The following PLEKHG1 variants were observed in gnomAD, a reference collection of about 807,000 sequenced individuals.
PLEKHG1 encodes the protein pleckstrin homology domain-containing family G member 1.
A neutral mutation model predicts 100.8 loss-of-function variants in PLEKHG1; 44 were observed. The observed-to-expected ratio is 0.44, with a 90% confidence interval of 0.34 to 0.56. PLEKHG1 has a LOEUF of 0.56. Among genes scored for constraint, PLEKHG1 ranks in the 20% least tolerant of loss-of-function variants. PLEKHG1 has a pLI of 0.01. For missense variants in PLEKHG1, 1,545 were observed against 1,720.9 expected (o/e 0.90, Z 1.81); for synonymous variants, 640 against 662.5 (o/e 0.97, Z 0.52).
chr6:150,805,570 CAG>C (rs1339040392), intron 7 of PLEKHG1, among the ~76,000 whole-genome samples: 1 of 152,012 alleles, frequency 6.6e-6, no homozygotes, highest in Non-Finnish European at 1.5e-5. Context: ...TCTTGTCGCC[CAG>C]GCTGGAATGC....
chr6:150,780,368 C>A (rs1019854086), intron 3 of PLEKHG1, among the ~76,000 whole-genome samples: 10 of 152,078 alleles, frequency 6.6e-5, no homozygotes, highest in Non-Finnish European at 1.5e-4. Flanking sequence ...CCCACGTCGG[C>A]CTCCCAAAGT....
intron 1 of PLEKHG1, among the ~76,000 whole-genome samples, chr6:150,622,849 C>T (rs758628306): frequency 7.2e-5 from 11 of 152,098 alleles, no homozygotes; most frequent in Non-Finnish European, 1.6e-4. Context: ...TTCGTAATAC[C>T]ATGTAAGACC....
intron 3 of PLEKHG1, among the ~76,000 whole-genome samples, chr6:150,690,220 A>C (rs1562438737): frequency 6.6e-6 from 1 of 151,846 alleles, no homozygotes; most frequent in South Asian, 2.1e-4. Flanking sequence ...TTTAAATTTT[A>C]TTTTTCCATA....
intron 2 of PLEKHG1, among the ~76,000 whole-genome samples, chr6:150,748,873 C>T (rs944474694): frequency 2.6e-5 from 4 of 152,100 alleles, no homozygotes; most frequent in Admixed American, 2.6e-4. Context: ...TGATTTCACC[C>T]ACCTTGGCCT....
rs533481234 is a variant in PLEKHG1 at position 150,694,706 on chromosome 6, A to T, written c.-98-38878A>T. 3.0e-3 allele frequency among the ~76,000 whole-genome samples: 455 copies of T among 151,814 alleles called. 2 individuals are homozygous for T. Among genetic ancestry groups the T allele is most frequent in the East Asian group, 7.8e-3 (40 of 5,150 alleles). ...CAGTGAGACTCTGTCTCAAAAAAAA[A>T]AAAAATAAAAATAAAAAATAAAATA... On this transcript the variant is annotated intron_variant, in intron 3 of 3. Transcript: ENST00000367326.
chr6:150,837,570 A>T lies in PLEKHG1; in HGVS notation c.3095-2263A>T, dbSNP rs757380417. Among the ~76,000 whole-genome samples the T allele has an allele frequency of 2.6e-5, 4 of 152,246 alleles. No individual in the cohort carries two copies. The South Asian group carries it at 6.2e-4, about 24-fold the overall frequency. ...TTCTACTACATTTTCCAAAATTGTC[A>T]TCTTCTTGGAACCTTGTAGAAGTTC... On this transcript the variant is annotated intron_variant, in intron 15 of 15. Coordinates refer to ENST00000358517, the Ensembl canonical transcript of PLEKHG1.
chr6:150,794,908 G>C (rs1786225766), intron 4 of PLEKHG1, among the ~76,000 whole-genome samples: 1 of 151,904 alleles, frequency 6.6e-6, no homozygotes, highest in African/African-American at 2.4e-5. Flanking sequence ...TCCAGTTGAG[G>C]TTAACAGGAA....
chr6:150,769,235 T>C (rs1018374199), intron 3 of PLEKHG1, among the ~76,000 whole-genome samples: 4 of 152,068 alleles, frequency 2.6e-5, no homozygotes, highest in Admixed American at 1.3e-4. Flanking sequence ...AAAATTAAAA[T>C]AGTAAACAAG....
chr6:150,813,426 C>A (rs1035117099), intron 10 of PLEKHG1, among the ~76,000 whole-genome samples: 1 of 151,760 alleles, frequency 6.6e-6, no homozygotes, highest in Non-Finnish European at 1.5e-5. Context: ...ATTTCAAAAT[C>A]TGCTCAGCAG....
In PLEKHG1 at chr6:150,670,410, C is replaced by T. The variant is rs1437065358; in HGVS notation, c.-99+19624C>T. On this transcript the variant is annotated intron_variant, in intron 3 of 3. Coordinates refer to the PLEKHG1 transcript ENST00000367326. Reference sequence around the variant, plus strand: ...ATAAAGAGTAAACCTAAGAACAAGGCACAGAGATGGAAGGCTAACCCAGAA... The same window carrying T: ...ATAAAGAGTAAACCTAAGAACAAGGTACAGAGATGGAAGGCTAACCCAGAA... Among the ~76,000 whole-genome samples, 10 of 152,182 alleles carry T rather than the reference C, an allele frequency of 6.6e-5. No individual in the cohort carries two copies. The East Asian group carries it at 1.7e-3, about 26-fold the overall frequency.
intron 3 of PLEKHG1, among the ~76,000 whole-genome samples, chr6:150,786,081 T>A (rs1331153317): frequency 6.6e-6 from 1 of 151,200 alleles, no homozygotes; most frequent in African/African-American, 2.4e-5. Context: ...AGGCAGCTAT[T>A]TGATGTCTGA....
rs559937128 is a variant in PLEKHG1, at chr6:150,659,079, C to T, written c.-99+8293C>T. 9.2e-5 allele frequency among the ~76,000 whole-genome samples: 14 copies of T among 152,290 alleles called. 1 individual carries two copies. Among genetic ancestry groups the T allele is most frequent in the Admixed American group, 2.6e-4 (4 of 15,294 alleles). On this transcript the variant is annotated intron_variant, in intron 3 of 3. Transcript: ENST00000367326. ...CCAAGCCCAGTGTCATCTTCACAGC[C>T]GTCAGATGTGCACGCAGCCCAGCCA...
At chr6:150,773,567 G>A (rs947995158) in intron 3 of PLEKHG1, among the ~76,000 whole-genome samples, 2 of 152,158 alleles carry the variant, frequency 1.3e-5, no homozygotes, top group Admixed American at 6.5e-5. Flanking sequence ...AGACTTACAC[G>A]GATGTGTGGG....
chr6:150,811,658 T>A lies in PLEKHG1; in HGVS notation c.1278+1924T>A, dbSNP rs547766987. Reference sequence around the variant, plus strand: ...ATTAAAAAAAAAAAAAAAGAGAGAATGTATGCGCTGTGTTCAGGGCGCACA... The same window carrying A: ...ATTAAAAAAAAAAAAAAAGAGAGAAAGTATGCGCTGTGTTCAGGGCGCACA... On this transcript the variant is annotated intron_variant, in intron 10 of 15. Coordinates refer to ENST00000358517, the Ensembl canonical transcript of PLEKHG1. 2.9e-5 allele frequency among the ~76,000 whole-genome samples: 4 copies of A among 137,150 alleles called. No homozygotes were observed. In the East Asian group the frequency reaches 8.4e-4, roughly 29 times the overall value. 90.0% of individuals were successfully genotyped at this position (137,150 alleles called of 152,430 possible).
At chr6:150,819,895 A>G in intron 12 of PLEKHG1, 121 bp downstream of exon 13, 1 of 685,756 alleles carries the variant, frequency 1.5e-6, no homozygotes, top group Non-Finnish European at 2.7e-6. Flanking sequence ...GTCTGAATAC[A>G]TTTGCGGCTG....
intron 2 of PLEKHG1, among the ~76,000 whole-genome samples, chr6:150,646,203 C>T (rs1174066612): frequency 6.6e-6 from 1 of 152,166 alleles, no homozygotes; most frequent in African/African-American, 2.4e-5. Flanking sequence ...GTTGGCTTAT[C>T]CTTGAACCCT....
chr6:150,755,272 G>T (rs1414827241), intron 2 of PLEKHG1, among the ~76,000 whole-genome samples: 1 of 152,134 alleles, frequency 6.6e-6, no homozygotes, highest in African/African-American at 2.4e-5. Flanking sequence ...CACCGCGCCT[G>T]GCCGGCATCC....
chr6:150,667,317 T>G (rs1047246185), intron 3 of PLEKHG1, among the ~76,000 whole-genome samples: 1 of 152,248 alleles, frequency 6.6e-6, no homozygotes, highest in African/African-American at 2.4e-5. Context: ...AAAGAGTTTC[T>G]ACATATGATT....
chr6:150,739,265 A>G (rs1782723318), intron 2 of PLEKHG1, among the ~76,000 whole-genome samples: 1 of 152,198 alleles, frequency 6.6e-6, no homozygotes, highest in Admixed American at 6.5e-5. Flanking sequence ...TAGTGAAAAA[A>G]GGGGCTGAAT....
Sources: allele counts gnomAD v4.1 joint callset (sites outside exome capture counted in the v4.1 genomes callset), GRCh38; gene constraint gnomAD v4.1.1; transcripts MANE v1.5; gene names NCBI Gene and HGNC (gene_info 2026-07-23, HGNC 2026-07-21).